Variants in POU2F1 observed in about 807,000 individuals in gnomAD.
POU2F1 encodes POU domain, class 2, transcription factor 1.
A neutral mutation model predicts 84.9 loss-of-function variants in POU2F1; 16 were observed. That is an observed-to-expected ratio of 0.19 (90% CI 0.13 to 0.29). The LOEUF is 0.29. Ranked by LOEUF, POU2F1 falls within the 10% of genes least tolerant of loss-of-function variation. The pLI is 1.00. For missense variants in POU2F1, 738 were observed against 942.6 expected (o/e 0.78, Z 2.84); for synonymous variants, 368 against 368.3 (o/e 1.00, Z 0.01).
At chr1:167,280,387 T>C (rs1029192359) in intron 1 of POU2F1, among the ~76,000 whole-genome samples, 1 of 151,984 alleles carries the variant, frequency 6.6e-6, no homozygotes, top group Non-Finnish European at 1.5e-5. Context: ...ACTTTTAGTT[T>C]TTATAGCTAG....
chr1:167,230,037 T>A (rs1468574091), intron 1 of POU2F1, among the ~76,000 whole-genome samples: 4 of 152,224 alleles, frequency 2.6e-5, no homozygotes, highest in Non-Finnish European at 5.9e-5. Context: ...ATTATCAGAT[T>A]TTAATTTTTA....
At chr1:167,262,001 A>G (rs529332035) in intron 1 of POU2F1, among the ~76,000 whole-genome samples, 1 of 152,250 alleles carries the variant, frequency 6.6e-6, no homozygotes, top group East Asian at 1.9e-4. Context: ...ATGTTTGATA[A>G]CACTTTTGTA....
At chr1:167,274,490 A>G (rs1425968729) in intron 1 of POU2F1, among the ~76,000 whole-genome samples, 1 of 152,106 alleles carries the variant, frequency 6.6e-6, no homozygotes, top group Non-Finnish European at 1.5e-5. Flanking sequence ...TCTATAGAAC[A>G]TGTGGGTCTA....
intron 1 of POU2F1, among the ~76,000 whole-genome samples, chr1:167,238,063 T>C (rs1418689062): frequency 6.6e-6 from 1 of 152,048 alleles, no homozygotes; most frequent in Admixed American, 6.5e-5. Context: ...ATTACAGGTG[T>C]GAGCCACCAT....
intron 1 of POU2F1, among the ~76,000 whole-genome samples, chr1:167,323,316 A>G (rs548687738): frequency 2.6e-5 from 4 of 152,368 alleles, no homozygotes; most frequent in African/African-American, 7.2e-5. Context: ...TTAAGCTTTT[A>G]CAACCAAGAA....
At chr1:167,258,215 A>T (rs1251997629) in intron 1 of POU2F1, among the ~76,000 whole-genome samples, 1 of 152,206 alleles carries the variant, frequency 6.6e-6, no homozygotes, top group Non-Finnish European at 1.5e-5. Flanking sequence ...TTGTGACTCC[A>T]GAAGTGACTG....
intron 1 of POU2F1, among the ~76,000 whole-genome samples, chr1:167,255,019 C>T (rs113945434): frequency 0.032 from 4,823 of 152,252 alleles, 126 homozygotes; most frequent in African/African-American, 0.076. Flanking sequence ...TCACAGTGTA[C>T]GTGCCTGGCC....
intron 1 of POU2F1, among the ~76,000 whole-genome samples, chr1:167,283,465 A>G (rs1225056761): frequency 2.6e-5 from 4 of 152,224 alleles, no homozygotes; most frequent in Non-Finnish European, 4.4e-5. Flanking sequence ...AATCCAGTAA[A>G]TGTTTGCTGG....
Position 167,264,184 on chromosome 1 carries a change from A to C in POU2F1, c.61+43226A>C, listed in dbSNP as rs146679812. Among the ~76,000 whole-genome samples, 26 of 152,144 alleles carry C rather than the reference A, an allele frequency of 1.7e-4. 1 individual carries two copies. Among genetic ancestry groups the C allele is most frequent in the African/African-American group, 4.6e-4 (19 of 41,518 alleles). Reference sequence around the variant, plus strand: ...GGGAGTACAGCTAATTTATAGTGGTATGTCAGGAAAGGTCTCTTTAAGGAA... The same window carrying C: ...GGGAGTACAGCTAATTTATAGTGGTCTGTCAGGAAAGGTCTCTTTAAGGAA... On this transcript the variant is annotated intron_variant, in intron 1 of 15. Coordinates refer to ENST00000367866, the MANE Select transcript of POU2F1 (RefSeq NM_002697.4).
At chr1:167,315,762 C>T (rs1425325129) in intron 1 of POU2F1, among the ~76,000 whole-genome samples, 1 of 150,814 alleles carries the variant, frequency 6.6e-6, no homozygotes, top group Admixed American at 6.6e-5. Context: ...TATGATTATA[C>T]TACAGCACTC....
intron 5 of POU2F1, 50 bp from the exon 6 acceptor site, chr1:167,374,058 G>T: frequency 6.3e-6 from 10 of 1,587,016 alleles, no homozygotes; most frequent in Non-Finnish European, 8.6e-6. Context: ...CTTGCATTAG[G>T]AGACTTTCTC....
chr1:167,276,296 T>G (rs1652725700), intron 1 of POU2F1, among the ~76,000 whole-genome samples: 2 of 152,202 alleles, frequency 1.3e-5, no homozygotes, highest in African/African-American at 4.8e-5. Context: ...GGCTGATCAT[T>G]GTATTGCAGT....
At chr1:167,364,584 T>TC (rs1473549784) in intron 2 of POU2F1, among the ~76,000 whole-genome samples, 3 of 148,556 alleles carry the variant, frequency 2.0e-5, no homozygotes, top group East Asian at 2.0e-4. Flanking sequence ...TTTCTTTCTT[T>TC]TTTTTTTTTT....
intron 9 of POU2F1, among the ~76,000 whole-genome samples, chr1:167,396,061 T>C (rs1010324191): frequency 6.6e-5 from 10 of 152,224 alleles, no homozygotes; most frequent in Non-Finnish European, 7.3e-5. Context: ...TGGGAAAGTA[T>C]GTGGGACAGT....
chr1:167,245,580 G>A (rs1312101120), intron 1 of POU2F1, among the ~76,000 whole-genome samples: 1 of 151,876 alleles, frequency 6.6e-6, no homozygotes, highest in Admixed American at 6.6e-5. Flanking sequence ...CACCCAGCTA[G>A]TTTTGTGTTT....
In POU2F1 at chr1:167,418,843, G is replaced by T. The variant is rs1241675171; in HGVS notation, c.*3033G>T. 1 of 151,794 alleles carries T rather than the reference G, an allele frequency of 6.6e-6. No homozygotes were observed. Among genetic ancestry groups the T allele is most frequent in the Non-Finnish European group, 1.5e-5 (1 of 67,946 alleles). The allele number at this position is 151,794 out of a possible 1,614,324, so 9.4% of individuals were successfully genotyped here. ...GATTTTATGTGAAGCACTTGATGAGGGTAGACCAGCATAAAAAATCTGTTT... is the reference window on the plus strand; with the variant it reads ...GATTTTATGTGAAGCACTTGATGAGTGTAGACCAGCATAAAAAATCTGTTT... On this transcript the variant is annotated 3_prime_UTR_variant, in exon 16 of 16. Transcript: ENST00000367866.
chr1:167,343,874 G>A (rs1248808663), intron 2 of POU2F1, among the ~76,000 whole-genome samples: 2 of 151,586 alleles, frequency 1.3e-5, no homozygotes, highest in African/African-American at 4.8e-5. Context: ...GTGAAGATGT[G>A]GGCAATTGAA....
intron 1 of POU2F1, among the ~76,000 whole-genome samples, chr1:167,262,221 C>G (rs1651620934): frequency 6.6e-6 from 1 of 151,944 alleles, no homozygotes; most frequent in Admixed American, 6.6e-5. Context: ...CATGGCTACT[C>G]ACAGGTGCAG....
intron 1 of POU2F1, among the ~76,000 whole-genome samples, chr1:167,296,282 A>G (rs767635873): frequency 3.3e-5 from 5 of 152,116 alleles, no homozygotes; most frequent in South Asian, 2.1e-4. Flanking sequence ...ATATTTGTCT[A>G]TTTCATCTTC....
Sources: gnomAD v4.1 joint callset for allele counts (sites outside exome capture counted in the v4.1 genomes callset) on GRCh38, gnomAD v4.1.1 for gene constraint, MANE v1.5 for transcripts, NCBI Gene and HGNC (gene_info 2026-07-23, HGNC 2026-07-21) for gene names.